Variants in PCNX2 observed in about 807,000 individuals in gnomAD.
The protein encoded by PCNX2 is pecanex 2, also known as pecanex-like protein 2.
In PCNX2, 168 loss-of-function variants were observed where a neutral mutation model predicts 223.8. The ratio of observed to expected loss-of-function variants is 0.75; its 90% CI spans 0.66 to 0.85. PCNX2 has a LOEUF of 0.85. Ranked by LOEUF, PCNX2 falls within the 40% of genes least tolerant of loss-of-function variation. The probability of loss-of-function intolerance (pLI) is 0.00; values close to 1 mark genes in which losing one functional copy is unlikely to be tolerated. For synonymous variants in PCNX2, 1,006 were observed against 1,052.6 expected (o/e 0.96, Z 0.86); for missense variants, 2,507 against 2,675.5 (o/e 0.94, Z 1.39).
chr1:233,214,112 C>T (rs1434928157), intron 12 of PCNX2, among the ~76,000 whole-genome samples: 1 of 151,996 alleles, frequency 6.6e-6, no homozygotes, highest in Non-Finnish European at 1.5e-5. Flanking sequence ...CAGGCATGAG[C>T]CACCATGCCT....
At chr1:233,185,538 T>C (rs1680048740) in intron 15 of PCNX2, among the ~76,000 whole-genome samples, 1 of 152,214 alleles carries the variant, frequency 6.6e-6, no homozygotes, top group South Asian at 2.1e-4. Flanking sequence ...TACAGGCTGT[T>C]TCATCTATTT....
chr1:233,261,962 AC>A, intron 3 of PCNX2, 82 bp downstream of exon 3: 1 of 1,563,656 alleles, frequency 6.4e-7, no homozygotes, highest in East Asian at 2.3e-5. Context: ...AGCTACAATC[AC>A]TGCTGCTGAA....
intron 23 of PCNX2, among the ~76,000 whole-genome samples, chr1:233,076,568 C>T (rs1179969771): frequency 1.3e-5 from 2 of 152,190 alleles, no homozygotes; most frequent in Non-Finnish European, 2.9e-5. Flanking sequence ...CACACAGCAA[C>T]GTTTCTTGCT....
chr1:233,194,164 C>T (rs778159157), intron 15 of PCNX2, among the ~76,000 whole-genome samples: 1 of 151,054 alleles, frequency 6.6e-6, no homozygotes, highest in Non-Finnish European at 1.5e-5. Context: ...AAAAAAGAAA[C>T]GTTACTAACA....
rs528435824 is a variant in PCNX2 at position 232,992,313 on chromosome 1, C to T, written c.5792-5773G>A. Among the ~76,000 whole-genome samples the T allele has an allele frequency of 2.0e-5, 3 of 152,262 alleles. No individual in the cohort carries two copies. The East Asian group carries it at 5.8e-4, about 29-fold the overall frequency. On this transcript the variant is annotated intron_variant, in intron 32 of 33. Coordinates refer to ENST00000258229, the MANE Select transcript of PCNX2 (RefSeq NM_014801.4). ...GACCACAGTGAGAAAGTAAAGGAGCCCCTGCTGGCTGCTTCAGAAAGAACT... is the reference window on the plus strand; with the variant it reads ...GACCACAGTGAGAAAGTAAAGGAGCTCCTGCTGGCTGCTTCAGAAAGAACT...
At chr1:233,289,440 C>T (rs2103027638) in intron 1 of PCNX2, 1 of 1,387,638 alleles carries the variant, frequency 7.2e-7, no homozygotes, top group Non-Finnish European at 1.0e-6. Flanking sequence ...GGCGCTCGTA[C>T]TGAACATGGC....
chr1:233,202,787 A>G (rs1415262705), intron 13 of PCNX2, among the ~76,000 whole-genome samples: 3 of 152,194 alleles, frequency 2.0e-5, no homozygotes, highest in Non-Finnish European at 4.4e-5. Context: ...ATAAAACATA[A>G]AACTCCCAGG....
rs373483552 is a variant in PCNX2, at chr1:233,179,152, G to A, written c.3090C>T (p.Ile1030=). The change falls in exon 16 of 34, where the codon ATC becomes ATT. Residue 1030 remains isoleucine (I), a synonymous_variant. Coordinates refer to ENST00000258229, the MANE Select transcript of PCNX2 (RefSeq NM_014801.4). ...CACAGAAGGCCGAAAACAGTGCCGG[G>A]ATGTGTTGCATGCTCCACGGTTCCT... ...AVKEPWSMQH[I]PALFSAFCGL... 2.8e-5 allele frequency: 45 copies of A among 1,613,874 alleles called. No homozygotes were observed. The African/African-American group carries it at 5.6e-4, about 20-fold the overall frequency.
chr1:233,243,260 G>A (rs1658886309), intron 8 of PCNX2, among the ~76,000 whole-genome samples: 3 of 152,306 alleles, frequency 2.0e-5, no homozygotes, highest in African/African-American at 7.2e-5. Context: ...CAATAGCTAA[G>A]AGGAATGGCT....
At chr1:233,018,349 A>G (rs1246544622) in intron 26 of PCNX2, among the ~76,000 whole-genome samples, 1 of 152,166 alleles carries the variant, frequency 6.6e-6, no homozygotes, top group Non-Finnish European at 1.5e-5. Flanking sequence ...TATGGAAAGC[A>G]TTGACAATGT....
At chr1:233,005,051 G>A (rs74908266) in intron 28 of PCNX2, among the ~76,000 whole-genome samples, 360 of 152,298 alleles carry the variant, frequency 2.4e-3, no homozygotes, top group South Asian at 5.8e-3. Context: ...TGGAGGCTTC[G>A]AAACATGAAT....
intron 13 of PCNX2, among the ~76,000 whole-genome samples, chr1:233,200,859 T>C (rs1423056375): frequency 6.7e-6 from 1 of 148,474 alleles, no homozygotes; most frequent in Non-Finnish European, 1.5e-5. Context: ...CCACCTTTAC[T>C]AAAAAAAAAT....
intron 1 of PCNX2, 106 bp from the exon 2 acceptor site, chr1:233,263,269 G>T: frequency 3.2e-6 from 3 of 944,306 alleles, no homozygotes; most frequent in Non-Finnish European, 4.5e-6. Context: ...AATTAGGCAA[G>T]ATTTCAAATT....
At chr1:233,241,115 G>T in intron 8 of PCNX2, 1 of 936,844 alleles carries the variant, frequency 1.1e-6, no homozygotes, top group Non-Finnish European at 1.3e-6. Context: ...AAGCAGCACT[G>T]TTCTGAAAAC....
intron 15 of PCNX2, among the ~76,000 whole-genome samples, chr1:233,191,835 TC>T (rs1680435470): frequency 6.6e-6 from 1 of 152,174 alleles, no homozygotes; most frequent in East Asian, 1.9e-4. Context: ...CTGCAGCAAC[TC>T]CTGCTGTCGT....
intron 1 of PCNX2, among the ~76,000 whole-genome samples, chr1:233,264,472 C>T (rs1383723701): frequency 1.3e-5 from 2 of 152,176 alleles, no homozygotes; most frequent in African/African-American, 4.8e-5. Flanking sequence ...ATGCAAGAGT[C>T]TATCTTCCAA....
chr1:233,237,010 T>A (rs371277492), intron 8 of PCNX2, 30 bp from the exon 9 acceptor site: 1 of 1,612,442 alleles, frequency 6.2e-7, no homozygotes, highest in Non-Finnish European at 8.5e-7. Context: ...AAGCTTTGGT[T>A]ACCTGGTAAT....
At chr1:233,046,619 C>T (rs1671830419) in intron 25 of PCNX2, among the ~76,000 whole-genome samples, 2 of 152,230 alleles carry the variant, frequency 1.3e-5, no homozygotes, top group South Asian at 4.1e-4. Flanking sequence ...CAAAGTGACC[C>T]TTATAGCCAG....
At chr1:233,098,515 CT>C (rs989402816) in intron 21 of PCNX2, among the ~76,000 whole-genome samples, 22 of 149,406 alleles carry the variant, frequency 1.5e-4, no homozygotes, top group East Asian at 3.9e-4. Flanking sequence ...TCTATGCCTT[CT>C]TTTTTTTTTC....
Sources: gnomAD v4.1 joint callset for allele counts (sites outside exome capture counted in the v4.1 genomes callset) on GRCh38, gnomAD v4.1.1 for gene constraint, MANE v1.5 for transcripts, NCBI Gene and HGNC (gene_info 2026-07-23, HGNC 2026-07-21) for gene names.